Variants in OSBP2 observed in about 807,000 individuals in gnomAD.
OSBP2 encodes oxysterol binding protein 2.
In OSBP2, 66 loss-of-function variants were observed where a neutral mutation model predicts 96.0. The ratio of observed to expected loss-of-function variants is 0.69; its 90% confidence interval spans 0.56 to 0.84. The LOEUF is 0.84. OSBP2 is among the 40% of genes least tolerant of loss of function. OSBP2 has a pLI of 0.00. For synonymous variants in OSBP2, 525 were observed against 520.9 expected (o/e 1.01, Z -0.11); for missense variants, 1,038 against 1,222.7 (o/e 0.85, Z 2.25).
intron 2 of OSBP2, among the ~76,000 whole-genome samples, chr22:30,785,893 G>A (rs535524530): frequency 6.6e-6 from 1 of 152,242 alleles, no homozygotes; most frequent in South Asian, 2.1e-4. Context: ...TTTCCACCAT[G>A]ATTATAAGTT....
intron 12 of OSBP2, among the ~76,000 whole-genome samples, chr22:30,901,860 C>T (rs77656001): frequency 6.6e-6 from 1 of 151,774 alleles, no homozygotes; most frequent in Non-Finnish European, 1.5e-5. Context: ...GAAATTCTGT[C>T]CCCCCACAAA....
At chr22:30,866,180 G>A (rs2039331935) in intron 2 of OSBP2, among the ~76,000 whole-genome samples, 1 of 152,228 alleles carries the variant, frequency 6.6e-6, no homozygotes. Context: ...AAGGGATGTT[G>A]CAGATACAAT....
chr22:30,766,182 C>A (rs1465735119), intron 2 of OSBP2, among the ~76,000 whole-genome samples: 1 of 152,190 alleles, frequency 6.6e-6, no homozygotes, highest in Admixed American at 6.5e-5. Context: ...CTTCAGTGAA[C>A]TATGATCATG....
intron 1 of OSBP2, among the ~76,000 whole-genome samples, chr22:30,714,597 C>A (rs184210115): frequency 4.6e-5 from 7 of 152,040 alleles, no homozygotes; most frequent in Non-Finnish European, 1.0e-4. Flanking sequence ...CTTTCCCTAC[C>A]CCTGGTCACC....
chr22:30,839,650 A>G (rs2038707089), intron 2 of OSBP2, among the ~76,000 whole-genome samples: 1 of 151,846 alleles, frequency 6.6e-6, no homozygotes, highest in Non-Finnish European at 1.5e-5. Context: ...ATGTCTTTTG[A>G]GAAGTGTCTG....
At chr22:30,750,273 G>C (rs1056130483) in intron 2 of OSBP2, among the ~76,000 whole-genome samples, 1 of 152,128 alleles carries the variant, frequency 6.6e-6, no homozygotes, top group African/African-American at 2.4e-5. Flanking sequence ...CAGCTCTGGG[G>C]CCTTGGTCAA....
At chr22:30,896,026 G>A (rs2040059553) in intron 12 of OSBP2, among the ~76,000 whole-genome samples, 1 of 151,514 alleles carries the variant, frequency 6.6e-6, no homozygotes, top group African/African-American at 2.4e-5. Flanking sequence ...TTTTTTTGTT[G>A]TTGTTTGTTT....
Position 30,865,800 on chromosome 22 carries a change from C to T in OSBP2, c.854-4629C>T, listed in dbSNP as rs533992033. On this transcript the variant is annotated intron_variant, in intron 2 of 13. Transcript: ENST00000332585. The stretch of plus-strand genomic sequence containing the variant: ...TTCCCAGAGCAGCCACTAATATCCC[C>T]GGTGTAAGGACCAGCACACTTACCC... Among the ~76,000 whole-genome samples the T allele has an allele frequency of 4.6e-5, 7 of 152,260 alleles. No homozygotes were observed. The East Asian group carries it at 7.7e-4, about 17-fold the overall frequency.
chr22:30,851,822 G>T (rs770206849), intron 2 of OSBP2, among the ~76,000 whole-genome samples: 3 of 152,068 alleles, frequency 2.0e-5, no homozygotes, highest in Non-Finnish European at 4.4e-5. Flanking sequence ...TAATGGTGAG[G>T]AAGTTCCTCC....
chr22:30,790,653 TAAA>T (rs136297), intron 2 of OSBP2, among the ~76,000 whole-genome samples: 38 of 136,924 alleles, frequency 2.8e-4, no homozygotes, highest in Non-Finnish European at 2.7e-4. Context: ...CAAACTGCAT[TAAA>T]AAAAAAAAAA....
intron 1 of OSBP2, among the ~76,000 whole-genome samples, chr22:30,717,253 G>A (rs535017386): frequency 3.2e-4 from 48 of 152,024 alleles, no homozygotes; most frequent in Non-Finnish European, 5.7e-4. Context: ...ACCTTGCTGG[G>A]TCTTTAATCC....
chr22:30,799,108 C>CCTT (rs1223826249), intron 2 of OSBP2, among the ~76,000 whole-genome samples: 36 of 142,368 alleles, frequency 2.5e-4, no homozygotes, highest in African/African-American at 8.8e-4. Context: ...TTCCTTCCTT[C>CCTT]CTTCCTTTCT....
At chr22:30,846,294 GC>G (rs1424342689) in intron 2 of OSBP2, among the ~76,000 whole-genome samples, 1 of 151,946 alleles carries the variant, frequency 6.6e-6, no homozygotes, top group Non-Finnish European at 1.5e-5. Context: ...TTACAGGCAT[GC>G]ACCACCATGC....
intron 2 of OSBP2, among the ~76,000 whole-genome samples, chr22:30,779,206 C>T (rs113947082): frequency 0.11 from 17,085 of 149,678 alleles, 1,037 homozygotes; most frequent in Non-Finnish European, 0.14. Flanking sequence ...CTCAGCCTCC[C>T]GAGTAGCTGG....
chr22:30,836,523 G>T (rs1456302750), intron 2 of OSBP2, among the ~76,000 whole-genome samples: 1 of 152,142 alleles, frequency 6.6e-6, no homozygotes, highest in African/African-American at 2.4e-5. Flanking sequence ...CTGGCAAAAG[G>T]AAGACACATT....
intron 12 of OSBP2, chr22:30,902,385 A>G: frequency 6.4e-7 from 1 of 1,573,006 alleles, no homozygotes; most frequent in Non-Finnish European, 8.7e-7. Context: ...GATTCCCTTA[A>G]GGAAGCTTGA....
chr22:30,695,779 G>A (rs541531325), intron 1 of OSBP2, among the ~76,000 whole-genome samples: 22 of 152,342 alleles, frequency 1.4e-4, no homozygotes, highest in African/African-American at 3.8e-4. Context: ...GGCAAGCTTG[G>A]GTTTTTGGGC....
chr22:30,837,769 G>A (rs2038666559), intron 2 of OSBP2, among the ~76,000 whole-genome samples: 1 of 152,136 alleles, frequency 6.6e-6, no homozygotes, highest in East Asian at 1.9e-4. Context: ...GAGGAGTCAG[G>A]ACCTAAGGCC....
At chr22:30,767,180 C>T (rs77560531) in intron 2 of OSBP2, among the ~76,000 whole-genome samples, 7 of 146,344 alleles carry the variant, frequency 4.8e-5, no homozygotes, top group Non-Finnish European at 8.9e-5. Context: ...CGTTGTGGCA[C>T]GCACCTGAAA....
Sources: gnomAD v4.1 joint callset for allele counts (sites outside exome capture counted in the v4.1 genomes callset) on GRCh38, gnomAD v4.1.1 for gene constraint, MANE v1.5 for transcripts, NCBI Gene and HGNC (gene_info 2026-07-23, HGNC 2026-07-21) for gene names.